Variants in TBC1D22A observed in about 807,000 individuals in gnomAD.
The protein encoded by TBC1D22A is putative GTPase activator.
Under a neutral mutation model 60.2 loss-of-function variants are expected in TBC1D22A, and 38 were observed. The observed-to-expected ratio is 0.63, with a 90% CI of 0.49 to 0.83. TBC1D22A has a LOEUF of 0.83. Ranked by LOEUF, TBC1D22A falls within the 40% of genes least tolerant of loss-of-function variation. The pLI is 0.00. For missense variants in TBC1D22A, 628 were observed against 701.0 expected (o/e 0.90, Z 1.18); for synonymous variants, 302 against 281.7 (o/e 1.07, Z -0.72).
intron 1 of TBC1D22A, among the ~76,000 whole-genome samples, chr22:46,782,347 C>G (rs897794904): frequency 1.3e-5 from 2 of 152,286 alleles, no homozygotes; most frequent in African/African-American, 2.4e-5. Context: ...GCCACCGTGC[C>G]CAGCCGGACT....
chr22:47,034,502 A>T (rs554172710), intron 10 of TBC1D22A, among the ~76,000 whole-genome samples: 16 of 152,334 alleles, frequency 1.1e-4, no homozygotes, highest in African/African-American at 3.4e-4. Context: ...GAGGAGGAAG[A>T]TGAAGACACG....
At chr22:46,904,827 T>G (rs1160467615) in intron 7 of TBC1D22A, among the ~76,000 whole-genome samples, 1 of 146,140 alleles carries the variant, frequency 6.8e-6, no homozygotes. Flanking sequence ...CAGGCTGGAG[T>G]GCGGTGGCGC....
chr22:46,909,879 C>T (rs928295146), intron 7 of TBC1D22A, among the ~76,000 whole-genome samples: 12 of 152,308 alleles, frequency 7.9e-5, no homozygotes, highest in African/African-American at 2.2e-4. Context: ...GCTGGGGCTG[C>T]GCGTTGGTGA....
At chr22:46,979,223 C>T (rs754344950) in intron 9 of TBC1D22A, among the ~76,000 whole-genome samples, 71 of 152,088 alleles carry the variant, frequency 4.7e-4, no homozygotes, top group Admixed American at 2.6e-3. Context: ...ATATTACCAC[C>T]GTCTCATAAG....
At chr22:46,989,759 T>TCACACACA (rs35714390) in intron 9 of TBC1D22A, among the ~76,000 whole-genome samples, 2,409 of 146,134 alleles carry the variant, frequency 0.016, 61 homozygotes, top group African/African-American at 0.051. Flanking sequence ...TGTGACAGAG[T>TCACACACA]CACACACACA....
At chr22:46,897,205 A>G (rs573584899) in intron 7 of TBC1D22A, among the ~76,000 whole-genome samples, 2 of 152,140 alleles carry the variant, frequency 1.3e-5, no homozygotes, top group African/African-American at 2.4e-5. Flanking sequence ...ATGAAAGCAC[A>G]CTCCACAGGT....
At chr22:46,941,510 C>CAG (rs2072081902) in intron 8 of TBC1D22A, among the ~76,000 whole-genome samples, 1 of 137,992 alleles carries the variant, frequency 7.2e-6, no homozygotes, top group Non-Finnish European at 1.5e-5. Context: ...AATATATATA[C>CAG]GGAATATATA....
At chr22:46,897,635 G>GTTTTTTTTTTTTTTTTTTTTTTTT (rs1602366020) in intron 7 of TBC1D22A, among the ~76,000 whole-genome samples, 1 of 125,488 alleles carries the variant, frequency 8.0e-6, no homozygotes, top group African/African-American at 3.6e-5. Flanking sequence ...GTTTTGTTTC[G>GTTTTTTTTTTTTTTTTTTTTTTTT]TTTTGTTTTT....
chr22:46,818,600 C>T (rs1040276103), intron 4 of TBC1D22A, among the ~76,000 whole-genome samples: 29 of 152,102 alleles, frequency 1.9e-4, no homozygotes, highest in African/African-American at 6.3e-4. Context: ...CTGTTCTGCT[C>T]CATTGGTCTA....
chr22:47,030,910 G>C (rs989079479), intron 10 of TBC1D22A, among the ~76,000 whole-genome samples: 1 of 152,226 alleles, frequency 6.6e-6, no homozygotes, highest in Non-Finnish European at 1.5e-5. Flanking sequence ...TGCACGTCCC[G>C]GCGGGGTGAG....
intron 8 of TBC1D22A, among the ~76,000 whole-genome samples, chr22:46,923,542 G>C (rs1185559581): frequency 6.6e-6 from 1 of 152,252 alleles, no homozygotes; most frequent in Non-Finnish European, 1.5e-5. Context: ...GGAGGAAGAA[G>C]GACTCATCCA....
chr22:46,918,930 T>G (rs1421635453), intron 8 of TBC1D22A, among the ~76,000 whole-genome samples: 1 of 152,202 alleles, frequency 6.6e-6, no homozygotes, highest in Non-Finnish European at 1.5e-5. Context: ...TCCTTCCTTC[T>G]GTCCCCCACC....
At chr22:46,830,323 C>T (rs925754227) in intron 4 of TBC1D22A, among the ~76,000 whole-genome samples, 2 of 152,218 alleles carry the variant, frequency 1.3e-5, no homozygotes, top group East Asian at 1.9e-4. Context: ...CATCACCCTT[C>T]GAGCCCCTGG....
At chr22:47,067,117 T>G (rs898412545) in intron 11 of TBC1D22A, among the ~76,000 whole-genome samples, 4 of 152,080 alleles carry the variant, frequency 2.6e-5, no homozygotes, top group Non-Finnish European at 5.9e-5. Context: ...AATACAAAAA[T>G]TAGCAGAGTG....
At chr22:46,773,668 C>T (rs986104707) in intron 1 of TBC1D22A, among the ~76,000 whole-genome samples, 3 of 152,144 alleles carry the variant, frequency 2.0e-5, no homozygotes, top group African/African-American at 7.2e-5. Context: ...GATGGGGTTT[C>T]ACCGTGTTGG....
At chr22:47,157,648 A>C (rs1211034332) in intron 12 of TBC1D22A, among the ~76,000 whole-genome samples, 1 of 152,200 alleles carries the variant, frequency 6.6e-6, no homozygotes, top group Non-Finnish European at 1.5e-5. Flanking sequence ...GTGGCCGTGC[A>C]GTTGCCCTTT....
At chr22:46,906,978 A>G (rs1325054933) in intron 7 of TBC1D22A, among the ~76,000 whole-genome samples, 4 of 147,960 alleles carry the variant, frequency 2.7e-5, no homozygotes, top group Non-Finnish European at 6.0e-5. Context: ...AGATTGGTGC[A>G]CTTACACTCT....
intron 10 of TBC1D22A, among the ~76,000 whole-genome samples, chr22:47,029,527 C>A (rs1420730049): frequency 2.0e-5 from 3 of 152,216 alleles, no homozygotes; most frequent in East Asian, 3.9e-4. Flanking sequence ...CCCAGGCTCA[C>A]CTGACTCTAC....
chr22:47,125,305 G>A (rs1383416237), intron 12 of TBC1D22A, among the ~76,000 whole-genome samples: 2 of 152,216 alleles, frequency 1.3e-5, no homozygotes, highest in Admixed American at 6.5e-5. Flanking sequence ...TTTGTTCCCC[G>A]GGGCGGGGCT....
Sources: allele counts gnomAD v4.1 joint callset (sites outside exome capture counted in the v4.1 genomes callset), GRCh38; gene constraint gnomAD v4.1.1; transcripts MANE v1.5; gene names NCBI Gene and HGNC (gene_info 2026-07-23, HGNC 2026-07-21).